The following NPSR1 variants were observed in gnomAD, a reference collection of about 807,000 sequenced individuals.
NPSR1 encodes neuropeptide S receptor 1, also known as neuropeptide S receptor.
NPSR1 carries 48 observed loss-of-function variants against 46.9 expected under a neutral mutation model. That is an observed-to-expected ratio of 1.02 (90% CI 0.81 to 1.30). NPSR1 has a LOEUF of 1.30. NPSR1 is among the 50% of genes most tolerant of loss of function. The probability of loss-of-function intolerance (pLI) is 0.00; values close to 1 mark genes in which losing one functional copy is unlikely to be tolerated. For synonymous variants in NPSR1, 176 were observed against 168.1 expected (o/e 1.05, Z -0.36); for missense variants, 450 against 449.5 (o/e 1.00, Z -0.01).
intron 2 of NPSR1, among the ~76,000 whole-genome samples, chr7:34,702,904 G>T (rs1000588927): frequency 6.6e-6 from 1 of 152,140 alleles, no homozygotes; most frequent in African/African-American, 2.4e-5. Flanking sequence ...TCTAGAACCC[G>T]CTAGCATAGA....
chr7:34,876,547 C>T (rs1791579255), intron 8 of NPSR1, among the ~76,000 whole-genome samples: 1 of 152,188 alleles, frequency 6.6e-6, no homozygotes, highest in Admixed American at 6.5e-5. Flanking sequence ...CTGAGAAAGG[C>T]TTAAGGCATG....
At chr7:34,794,778 A>G (rs1483271235) in intron 3 of NPSR1, among the ~76,000 whole-genome samples, 1 of 152,210 alleles carries the variant, frequency 6.6e-6, no homozygotes, top group Non-Finnish European at 1.5e-5. Flanking sequence ...TAGATGCAAT[A>G]TTTCTCAAGA....
At chr7:34,861,708 A>T (rs554065484) in intron 8 of NPSR1, among the ~76,000 whole-genome samples, 2 of 152,010 alleles carry the variant, frequency 1.3e-5, no homozygotes, top group Non-Finnish European at 2.9e-5. Flanking sequence ...GCTTCCTGTA[A>T]GCAGCCTACT....
At chr7:34,662,289 T>C (rs1279755282) in intron 1 of NPSR1, among the ~76,000 whole-genome samples, 1 of 152,212 alleles carries the variant, frequency 6.6e-6, no homozygotes, top group East Asian at 1.9e-4. Context: ...TTGAGGGTGA[T>C]TTGACACAGT....
chr7:34,734,637 A>G (rs1368111562), intron 2 of NPSR1, among the ~76,000 whole-genome samples: 2 of 152,198 alleles, frequency 1.3e-5, no homozygotes, highest in African/African-American at 4.8e-5. Context: ...TCTTCTCAAA[A>G]CTCACAAGAG....
intron 2 of NPSR1, among the ~76,000 whole-genome samples, chr7:34,700,213 C>G (rs1006340419): frequency 1.3e-5 from 2 of 152,034 alleles, no homozygotes; most frequent in African/African-American, 2.4e-5. Flanking sequence ...AGCACCAGAA[C>G]AACAGAGCTG....
intron 4 of NPSR1, among the ~76,000 whole-genome samples, chr7:34,816,113 C>T (rs1317783910): frequency 6.6e-6 from 1 of 151,274 alleles, no homozygotes; most frequent in East Asian, 2.0e-4. Flanking sequence ...TTAAAAGACA[C>T]ACACTGGCAA....
intron 1 of NPSR1, among the ~76,000 whole-genome samples, chr7:34,669,028 C>T (rs192353320): frequency 6.6e-6 from 1 of 152,276 alleles, no homozygotes; most frequent in Admixed American, 6.5e-5. Context: ...GATAAGTTCA[C>T]ATAATAGTTA....
chr7:34,824,968 G>C (rs949173477), intron 4 of NPSR1, among the ~76,000 whole-genome samples: 2 of 151,912 alleles, frequency 1.3e-5, no homozygotes, highest in African/African-American at 4.8e-5. Context: ...TCCACGCCTG[G>C]TTTTTCTCTG....
intron 8 of NPSR1, among the ~76,000 whole-genome samples, chr7:34,875,926 C>A (rs1791564430): frequency 6.6e-6 from 1 of 152,134 alleles, no homozygotes; most frequent in Non-Finnish European, 1.5e-5. Context: ...GGCCACTGTT[C>A]CTGTAGCCCC....
chr7:34,697,728 G>A (rs1174053417), intron 2 of NPSR1, among the ~76,000 whole-genome samples: 2 of 151,558 alleles, frequency 1.3e-5, no homozygotes, highest in African/African-American at 4.8e-5. Flanking sequence ...TAGAATCCAT[G>A]GATGTGGAAC....
chr7:34,863,256 A>G (rs934248376), intron 8 of NPSR1, among the ~76,000 whole-genome samples: 1 of 151,890 alleles, frequency 6.6e-6, no homozygotes, highest in African/African-American at 2.4e-5. Flanking sequence ...CCTTAAATGT[A>G]AGACCTAAAA....
In NPSR1 at chr7:34,801,954, A is replaced by T. The variant is rs535850204; in HGVS notation, c.385-9816A>T. On this transcript the variant is annotated intron_variant, in intron 3 of 8. Transcript: ENST00000360581. ...TCAGAGAGCCAAATCATGAGGGAAC[A>T]CCCATTCACAATTGCTTCAAAGAGA... 1.3e-3 allele frequency among the ~76,000 whole-genome samples: 195 copies of T among 149,914 alleles called. 1 individual carries two copies. The highest frequency in any genetic ancestry group is 7.5e-3 in the East Asian group (39 of 5,172).
intron 4 of NPSR1, among the ~76,000 whole-genome samples, chr7:34,821,130 T>G (rs973095487): frequency 7.9e-6 from 1 of 125,828 alleles, no homozygotes; most frequent in South Asian, 2.4e-4. Context: ...TGATACACTT[T>G]TTTTTTTTTT....
intron 2 of NPSR1, among the ~76,000 whole-genome samples, chr7:34,747,613 CACACACACAT>C (rs1037385829): frequency 3.2e-4 from 35 of 110,562 alleles, no homozygotes; most frequent in South Asian, 5.6e-4. Context: ...ATCTTAGACA[CACACACACAT>C]ACACACACAC....
chr7:34,688,729 G>A (rs900871712), intron 2 of NPSR1, among the ~76,000 whole-genome samples: 2 of 152,192 alleles, frequency 1.3e-5, no homozygotes, highest in Non-Finnish European at 2.9e-5. Flanking sequence ...TCAGGAGCTT[G>A]AGCTACTCCT....
downstream of NPSR1, among the ~76,000 whole-genome samples, chr7:34,851,094 C>T (rs17170029): frequency 0.022 from 3,303 of 152,108 alleles, 68 homozygotes; most frequent in South Asian, 0.074. Flanking sequence ...CCGGTATGCA[C>T]GTGAACACCT....
At chr7:34,849,032 G>T (rs1384426728) in intron 8 of NPSR1, among the ~76,000 whole-genome samples, 1 of 152,202 alleles carries the variant, frequency 6.6e-6, no homozygotes, top group Non-Finnish European at 1.5e-5. Context: ...ATCTTACATG[G>T]TTAATAGCAT....
intron 4 of NPSR1, among the ~76,000 whole-genome samples, chr7:34,822,610 G>T (rs1789612463): frequency 6.6e-6 from 1 of 152,176 alleles, no homozygotes; most frequent in African/African-American, 2.4e-5. Flanking sequence ...TTAAAACAAT[G>T]CTGGAACCAG....
Sources: allele counts gnomAD v4.1 joint callset (sites outside exome capture counted in the v4.1 genomes callset), GRCh38; gene constraint gnomAD v4.1.1; transcripts MANE v1.5; gene names NCBI Gene and HGNC (gene_info 2026-07-23, HGNC 2026-07-21).